The following ANKHD1 variants were observed in gnomAD, a reference collection of about 807,000 sequenced individuals.
ANKHD1 encodes ankyrin repeat and KH domain-containing protein 1.
In ANKHD1, 31 loss-of-function variants were observed where a neutral mutation model predicts 230.5. The ratio of observed to expected loss-of-function variants is 0.13; its 90% CI spans 0.10 to 0.18. The LOEUF is 0.18. Ranked by LOEUF, ANKHD1 falls within the 10% of genes least tolerant of loss-of-function variation. The pLI is 1.00. For synonymous variants in ANKHD1, 1,074 were observed against 1,117.6 expected (o/e 0.96, Z 0.78); for missense variants, 2,256 against 3,071.3 (o/e 0.73, Z 6.27).
chr5:140,517,463 C>G (rs2127070799), intron 24 of ANKHD1, among the ~76,000 whole-genome samples: 1 of 151,116 alleles, frequency 6.6e-6, no homozygotes, highest in Middle Eastern at 3.4e-3. Context: ...ACAGAACCCT[C>G]CACCCCAAAT....
intron 10 of ANKHD1, chr5:140,472,098 C>G: frequency 1.4e-6 from 1 of 696,556 alleles, no homozygotes; most frequent in East Asian, 2.8e-5. Context: ...ATTACAGTCT[C>G]TACAGATGAG....
chr5:140,403,435 T>G (rs977167624), intron 1 of ANKHD1, among the ~76,000 whole-genome samples: 2 of 151,824 alleles, frequency 1.3e-5, no homozygotes, highest in East Asian at 3.9e-4. Context: ...TTTTTTGAGA[T>G]GGAGTTTCGC....
At position 140,528,669 on chromosome 5, in the gene ANKHD1, A is replaced by G; in HGVS notation, c.5723A>G (p.Asn1908Ser). 6.2e-7 allele frequency: 1 copy of G among 1,614,160 alleles called. No individual in the cohort carries two copies. Among genetic ancestry groups the G allele is most frequent in the Non-Finnish European group, 8.5e-7 (1 of 1,180,024 alleles). Residue 1908 changes from asparagine to serine, a missense_variant, in exon 29 of 34, where the codon AAT becomes AGT. Asn to Ser is a conservative substitution (Grantham distance 46, BLOSUM62 1). Coordinates refer to ENST00000360839, the MANE Select transcript of ANKHD1 (RefSeq NM_017747.3). ...PGNTNSSPKH[N>S]NTSRLPNQNG... ...AACACAAATAGCTCTCCAAAGCATA[A>G]TAACACAAGCCGTCTACCTAACCAG... is the stretch of plus-strand genomic sequence containing the variant.
intron 24 of ANKHD1, among the ~76,000 whole-genome samples, chr5:140,523,615 C>T (rs191919452): frequency 1.5e-4 from 22 of 149,438 alleles, no homozygotes; most frequent in Non-Finnish European, 2.8e-4. Context: ...GGCTGGAGTG[C>T]GGTGCCATGA....
At chr5:140,427,235 C>T (rs2126886817) in intron 1 of ANKHD1, among the ~76,000 whole-genome samples, 3 of 145,334 alleles carry the variant, frequency 2.1e-5, no homozygotes, top group African/African-American at 2.6e-5. Flanking sequence ...GCAGAGGTGC[C>T]CCTCACCTCC....
At chr5:140,510,384 C>G (rs1371518102) in intron 22 of ANKHD1, among the ~76,000 whole-genome samples, 1 of 139,350 alleles carries the variant, frequency 7.2e-6, no homozygotes, top group Non-Finnish European at 1.5e-5. Context: ...ATGATCGCGG[C>G]TCACTGCAAC....
At position 140,452,617 on chromosome 5, in the gene ANKHD1, T is replaced by C. The variant is rs150180081; in HGVS notation, c.1242+3312T>C. Among the ~76,000 whole-genome samples, 1,455 of 152,152 alleles carry C rather than the reference T, an allele frequency of 9.6e-3. 79 individuals are homozygous for C. Among genetic ancestry groups the C allele is most frequent in the Admixed American group, 0.087 (1,325 of 15,276 alleles). On this transcript the variant is annotated intron_variant, in intron 7 of 33. Coordinates refer to ENST00000360839, the MANE Select transcript of ANKHD1 (RefSeq NM_017747.3). ...TGATACCCAGGCAAACGGTCTAGAG[T>C]GGACCTCCAGAAAACTCCAGCAGAC...
chr5:140,510,617 G>A (rs1752724343), intron 22 of ANKHD1, among the ~76,000 whole-genome samples: 1 of 151,704 alleles, frequency 6.6e-6, no homozygotes, highest in Non-Finnish European at 1.5e-5. Context: ...CCATTCTTTT[G>A]TGGCCAAATC....
chr5:140,516,081 C>A (rs1314878813), intron 24 of ANKHD1, among the ~76,000 whole-genome samples: 8 of 152,064 alleles, frequency 5.3e-5, no homozygotes, highest in Middle Eastern at 3.4e-3. Flanking sequence ...CTAGAATAAC[C>A]AATACAGAGA....
In ANKHD1 at chr5:140,506,713, A is replaced by G. The variant is rs942748267; in HGVS notation, c.3409-122A>G. ...ATTTCAATATTTAGGGTCTAATGAA[A>G]TGTAATTAAAATATCAGATATTTAG... On this transcript the variant is annotated intron_variant, in intron 18 of 33. Coordinates refer to ENST00000360839, the MANE Select transcript of ANKHD1 (RefSeq NM_017747.3). The surrounding 1 kb of genome is among the most constrained non-coding windows in gnomAD (Gnocchi z 4.7). 1.4e-5 allele frequency: 20 copies of G among 1,407,296 alleles called. No individual in the cohort carries two copies. The Admixed American group carries it at 2.1e-4, about 15-fold the overall frequency. The allele number at this position is 1,407,296 out of a possible 1,614,324, so 87.2% of individuals were successfully genotyped here.
chr5:140,500,915 T>C (rs1156769872), intron 15 of ANKHD1, among the ~76,000 whole-genome samples: 1 of 152,032 alleles, frequency 6.6e-6, no homozygotes, highest in African/African-American at 2.4e-5. Context: ...TTTTACTATG[T>C]TGTTACTATC....
At chr5:140,409,068 T>G (rs1770713118) in intron 1 of ANKHD1, among the ~76,000 whole-genome samples, 1 of 152,186 alleles carries the variant, frequency 6.6e-6, no homozygotes, top group Non-Finnish European at 1.5e-5. Flanking sequence ...CGTTGCCAAA[T>G]GTCTCCTAGG....
At chr5:140,430,743 C>T (rs1317883468) in intron 1 of ANKHD1, among the ~76,000 whole-genome samples, 5 of 150,710 alleles carry the variant, frequency 3.3e-5, no homozygotes, top group Admixed American at 2.0e-4. Context: ...ATAGCAGCCT[C>T]AACCTCCTGG....
chr5:140,464,678 C>T lies in ANKHD1; in HGVS notation c.1684C>T (p.His562Tyr). The change falls in exon 10 of 34, where the codon CAT becomes TAT. Residue 562 changes from histidine to tyrosine, a missense_variant. His to Tyr is a moderately conservative substitution (Grantham distance 83, BLOSUM62 2). This residue lies in a region of ANKHD1 where 179 missense variants were observed against 261.8 expected (regional missense o/e 0.68). Coordinates refer to ENST00000360839, the MANE Select transcript of ANKHD1 (RefSeq NM_017747.3). ...KYLLASGANVHATTATGDTAL... is the reference protein window; with the variant it reads ...KYLLASGANVYATTATGDTAL... ...TTTTTGTTTGCTAGGCGCTAATGTG[C>T]ATGCTACAACAGCAACAGGAGACAC... The T allele has an allele frequency of 6.3e-7, 1 of 1,584,282 alleles. No homozygotes were observed. Among genetic ancestry groups the T allele is most frequent in the Non-Finnish European group, 8.6e-7 (1 of 1,159,550 alleles).
intron 24 of ANKHD1, among the ~76,000 whole-genome samples, chr5:140,514,150 G>A (rs941119591): frequency 6.1e-5 from 9 of 146,772 alleles, no homozygotes; most frequent in Non-Finnish European, 5.9e-5. Flanking sequence ...ACACACTGCA[G>A]TCCAGCCTAG....
intron 14 of ANKHD1, among the ~76,000 whole-genome samples, chr5:140,492,930 A>G (rs540877032): frequency 3.9e-5 from 6 of 152,228 alleles, no homozygotes; most frequent in Non-Finnish European, 8.8e-5. Context: ...ATAAAAAAAT[A>G]AAGGCCATGT....
chr5:140,512,749 G>A, intron 22 of ANKHD1, 79 bp from the exon 23 acceptor site: 1 of 1,341,804 alleles, frequency 7.5e-7, no homozygotes, highest in Non-Finnish European at 1.0e-6. Context: ...TAATTCTGTT[G>A]TTTTACTTTC....
At chr5:140,510,252 G>T in intron 22 of ANKHD1, 71 bp downstream of exon 22, 7 of 1,332,362 alleles carry the variant, frequency 5.3e-6, no homozygotes, top group South Asian at 3.4e-5. Context: ...AGAAAGATAA[G>T]TTTATCTTGG....
At chr5:140,487,562 A>G (rs1751566515) in intron 14 of ANKHD1, among the ~76,000 whole-genome samples, 1 of 152,212 alleles carries the variant, frequency 6.6e-6, no homozygotes, top group African/African-American at 2.4e-5. Flanking sequence ...AACTATCAAA[A>G]TAAAATGTGT....
Sources: allele counts gnomAD v4.1 joint callset (sites outside exome capture counted in the v4.1 genomes callset), GRCh38; gene constraint gnomAD v4.1.1; regional missense constraint gnomAD v4.1.1; non-coding constraint Gnocchi (gnomAD v3.1); transcripts MANE v1.5; gene names NCBI Gene and HGNC (gene_info 2026-07-23, HGNC 2026-07-21).